CCDC141: variants seen among roughly 807,000 people sequenced by gnomAD.
CCDC141 encodes the protein coiled-coil domain containing 141.
A neutral mutation model predicts 181.0 loss-of-function variants in CCDC141; 168 were observed. The observed-to-expected ratio is 0.93, with a 90% CI of 0.82 to 1.05. The LOEUF (loss-of-function observed/expected upper bound fraction) is 1.05, where lower values mean the gene tolerates loss of function less well. Ranked by LOEUF, CCDC141 falls within the 50% of genes least tolerant of loss-of-function variation. The pLI, the probability that CCDC141 is intolerant of heterozygous loss-of-function variation, is 0.00. For synonymous variants in CCDC141, 666 were observed against 642.3 expected (o/e 1.04, Z -0.56); for missense variants, 1,902 against 1,788.5 (o/e 1.06, Z -1.14).
At chr2:178,834,624 G>A (rs1684401222) in intron 23 of CCDC141, among the ~76,000 whole-genome samples, 184 bp from the exon 24 acceptor site, 1 of 151,962 alleles carries the variant, frequency 6.6e-6, no homozygotes, top group Admixed American at 6.6e-5. Flanking sequence ...AGGCTAGATT[G>A]CAGTAGCAGA....
At chr2:178,925,383 G>A (rs573609284) in intron 6 of CCDC141, among the ~76,000 whole-genome samples, 3 of 152,342 alleles carry the variant, frequency 2.0e-5, no homozygotes, top group African/African-American at 7.2e-5. Flanking sequence ...CTTTAGCAGC[G>A]TGAAGCACAG....
intron 2 of CCDC141, among the ~76,000 whole-genome samples, chr2:179,039,429 C>G (rs928948627): frequency 1.3e-5 from 2 of 152,010 alleles, no homozygotes; most frequent in Non-Finnish European, 1.5e-5. Context: ...AATAATTATG[C>G]CACTTTTTCT....
At chr2:178,845,832 C>T (rs1490158692) in intron 21 of CCDC141, 90 bp from the exon 22 acceptor site, 2 of 772,990 alleles carry the variant, frequency 2.6e-6, no homozygotes, top group Admixed American at 1.9e-5. Context: ...ACATAGACCA[C>T]TTGCAACCTT....
At chr2:178,863,672 A>G (rs977979562) in intron 17 of CCDC141, among the ~76,000 whole-genome samples, 4 of 152,200 alleles carry the variant, frequency 2.6e-5, no homozygotes, top group Non-Finnish European at 5.9e-5. Context: ...GGGAAAGTCC[A>G]GGGTGTGCAC....
intron 6 of CCDC141, among the ~76,000 whole-genome samples, chr2:178,924,568 G>C (rs1215668325): frequency 1.3e-5 from 2 of 152,118 alleles, no homozygotes. Context: ...ATTATGTCAA[G>C]TTGGATTATA....
chr2:178,889,227 A>T (rs6755035), intron 8 of CCDC141, among the ~76,000 whole-genome samples: 14,287 of 152,070 alleles, frequency 0.094, 1,633 homozygotes, highest in East Asian at 0.66. Flanking sequence ...AAAAGAAGCC[A>T]TGCCTCACAT....
At chr2:178,921,090 T>C (rs1018888251) in intron 6 of CCDC141, among the ~76,000 whole-genome samples, 2 of 152,214 alleles carry the variant, frequency 1.3e-5, no homozygotes, top group Admixed American at 6.5e-5. Context: ...GAACTGAGGA[T>C]AGACTCCAAA....
chr2:178,963,900 C>G (rs1327088652), intron 4 of CCDC141, among the ~76,000 whole-genome samples: 1 of 121,902 alleles, frequency 8.2e-6, no homozygotes, highest in Non-Finnish European at 1.7e-5. Context: ...CAGAATTCAA[C>G]CAGGTGAGAA....
chr2:178,947,942 G>A (rs1689799077), intron 5 of CCDC141, among the ~76,000 whole-genome samples: 1 of 152,172 alleles, frequency 6.6e-6, no homozygotes, highest in South Asian at 2.1e-4. Context: ...GTTCATGCCT[G>A]TAAACCAAGC....
intron 2 of CCDC141, among the ~76,000 whole-genome samples, chr2:178,989,695 A>G (rs1459018870): frequency 1.3e-5 from 2 of 150,920 alleles, no homozygotes; most frequent in African/African-American, 4.9e-5. Context: ...GGACTTGAAA[A>G]GACATTTCTC....
chr2:179,022,036 G>A (rs150482075), intron 2 of CCDC141, among the ~76,000 whole-genome samples: 38 of 152,106 alleles, frequency 2.5e-4, no homozygotes, highest in African/African-American at 8.0e-4. Context: ...GGATATTTGC[G>A]TACAAATGAC....
At chr2:179,039,824 A>C (rs974313567) in intron 2 of CCDC141, among the ~76,000 whole-genome samples, 1 of 152,210 alleles carries the variant, frequency 6.6e-6, no homozygotes, top group African/African-American at 2.4e-5. Flanking sequence ...TTGACAGCAT[A>C]TTAGCTAGTA....
At chr2:178,974,991 G>T (rs1250364434) in intron 4 of CCDC141, 66 bp downstream of exon 4, 2 of 714,298 alleles carry the variant, frequency 2.8e-6, no homozygotes, top group Non-Finnish European at 4.5e-6. Flanking sequence ...TCATACATAA[G>T]CATTCTCACA....
intron 22 of CCDC141, 79 bp from the exon 23 acceptor site, chr2:178,837,823 C>T (rs1302456670): frequency 1.3e-5 from 20 of 1,482,368 alleles, no homozygotes; most frequent in Non-Finnish European, 1.8e-5. Context: ...AACTCAACTT[C>T]AGAGAGATAA....
rs1684389161 is a variant in CCDC141 at position 178,834,399 on chromosome 2, T to C, written c.4367A>G (p.Gln1456Arg). The C allele has an allele frequency of 7.8e-6, 12 of 1,536,466 alleles. No individual in the cohort carries two copies. The highest frequency in any genetic ancestry group is 1.0e-5 in the Non-Finnish European group (12 of 1,146,902). ...GQKLSADGHL[Q>R]VLHKETRHSV... ...ATGCCTTGTCTCCTTGTGTAAAACC[T>C]GTAAGTGCCCATCTGCAGACAATTT... is the stretch of plus-strand genomic sequence containing the variant. The change falls in exon 24 of 24, where the codon CAG becomes CGG. Residue 1456 changes from glutamine (Q) to arginine (R), a missense_variant. Coordinates refer to ENST00000443758, the MANE Select transcript of CCDC141 (RefSeq NM_173648.4).
chr2:178,981,651 TATATATAC>T (rs1559024669), intron 2 of CCDC141, among the ~76,000 whole-genome samples: 1 of 49,868 alleles, frequency 2.0e-5, no homozygotes, highest in Non-Finnish European at 7.9e-5. Context: ...TATATATATA[TATATATAC>T]ATACATATAT....
chr2:178,830,607 T>G lies in CCDC141; in HGVS notation c.*3566A>C, dbSNP rs571844087. 6 of 152,366 alleles carry G rather than the reference T, an allele frequency of 3.9e-5. No individual in the cohort carries two copies. The East Asian group carries it at 1.2e-3, about 29-fold the overall frequency. The allele number at this position is 152,366 out of a possible 1,614,324, so 9.4% of individuals were successfully genotyped here. ...TGGCAATACAATGACAACAGGGCTGTCATGAATCCTGCTGATAAGGTTCTT... is the reference window on the plus strand; with the variant it reads ...TGGCAATACAATGACAACAGGGCTGGCATGAATCCTGCTGATAAGGTTCTT... On this transcript the variant is annotated 3_prime_UTR_variant, in exon 24 of 24. Coordinates refer to ENST00000443758, the MANE Select transcript of CCDC141 (RefSeq NM_173648.4).
In CCDC141 at chr2:178,903,500, G is replaced by A. The variant is rs375810052; in HGVS notation, c.1265+1829C>T. 7.1e-3 allele frequency among the ~76,000 whole-genome samples: 1,070 copies of A among 150,248 alleles called. 10 individuals are homozygous for A. Among genetic ancestry groups the A allele is most frequent in the African/African-American group, 0.021 (867 of 40,878 alleles). Reference sequence around the variant, plus strand: ...AAATCATCATTCTCAGTAAACTATCGCAAGAACAAAAAACCAAACACCGCA... The same window carrying A: ...AAATCATCATTCTCAGTAAACTATCACAAGAACAAAAAACCAAACACCGCA... On this transcript the variant is annotated intron_variant, in intron 8 of 23. Transcript: ENST00000443758.
intron 20 of CCDC141, among the ~76,000 whole-genome samples, chr2:178,851,589 C>A (rs1389150697): frequency 2.0e-5 from 3 of 152,098 alleles, no homozygotes; most frequent in Non-Finnish European, 4.4e-5. Context: ...AGCAGAGTGG[C>A]CTGAGATGAA....
Sources: gnomAD v4.1 joint callset for allele counts (sites outside exome capture counted in the v4.1 genomes callset) on GRCh38, gnomAD v4.1.1 for gene constraint, MANE v1.5 for transcripts, NCBI Gene and HGNC (gene_info 2026-07-23, HGNC 2026-07-21) for gene names.